Variants in ZNF578 observed in about 807,000 individuals in gnomAD.
ZNF578 encodes Putative chemokine-related protein B42.
In ZNF578, 8 loss-of-function variants were observed where a neutral mutation model predicts 8.3. The observed-to-expected ratio is 0.96, with a 90% CI of 0.56 to 1.74. ZNF578 has a LOEUF of 1.74. ZNF578 is among the 40% of genes most tolerant of loss of function. The pLI, the probability that ZNF578 is intolerant of heterozygous loss-of-function variation, is 0.00. For missense variants in ZNF578, 726 were observed against 707.5 expected, an observed-to-expected ratio of 1.03 and a Z score of -0.30; for synonymous variants, 206 against 232.2, an observed-to-expected ratio of 0.89 and a Z score of 1.03.
At chr19:52,488,326 GGGT>G (rs2059352737) in intron 2 of ZNF578, among the ~76,000 whole-genome samples, 1 of 151,828 alleles carries the variant, frequency 6.6e-6, no homozygotes, top group Admixed American at 6.5e-5. Flanking sequence ...AGACAGAGGT[GGGT>G]GGATCACGAG....
chr19:52,472,405 A>G (rs2059294751), intron 2 of ZNF578, among the ~76,000 whole-genome samples: 1 of 152,242 alleles, frequency 6.6e-6, no homozygotes. Context: ...TGTGAATTCT[A>G]TTCAAGAACA....
intron 2 of ZNF578, among the ~76,000 whole-genome samples, chr19:52,484,352 G>T (rs892941548): frequency 1.3e-5 from 2 of 152,190 alleles, no homozygotes; most frequent in Non-Finnish European, 2.9e-5. Context: ...CAACTGCAAA[G>T]AGGCCTTCCT....
chr19:52,459,769 ATTTTTTTT>A (rs1164629700), intron 2 of ZNF578, among the ~76,000 whole-genome samples: 1 of 17,620 alleles, frequency 5.7e-5, no homozygotes, highest in Non-Finnish European at 9.9e-5. Flanking sequence ...ATATATATAT[ATTTTTTTT>A]TTTTTTTTTT....
At chr19:52,492,389 A>C (rs546056540) in intron 3 of ZNF578, among the ~76,000 whole-genome samples, 26 of 152,226 alleles carry the variant, frequency 1.7e-4, no homozygotes, top group Admixed American at 5.2e-4. Flanking sequence ...CTGAGCACTC[A>C]GTCCCGCATC....
intron 2 of ZNF578, among the ~76,000 whole-genome samples, chr19:52,486,582 C>T (rs977147869): frequency 4.6e-5 from 7 of 152,044 alleles, no homozygotes; most frequent in African/African-American, 1.7e-4. Flanking sequence ...GAGGGAGGCT[C>T]ATCAGAGTGA....
intron 4 of ZNF578, among the ~76,000 whole-genome samples, chr19:52,504,344 G>T (rs2059417977): frequency 6.6e-6 from 1 of 152,038 alleles, no homozygotes; most frequent in Non-Finnish European, 1.5e-5. Flanking sequence ...GCCCACCTTG[G>T]CCTCCCGAAG....
chr19:52,474,989 A>G (rs1352615717), intron 2 of ZNF578: 3 of 203,344 alleles, frequency 1.5e-5, no homozygotes, highest in Non-Finnish European at 2.2e-5. Context: ...GTTTCTCTCC[A>G]GTATGAATTC....
intron 5 of ZNF578, among the ~76,000 whole-genome samples, chr19:52,509,975 C>T (rs1200110045): frequency 1.3e-5 from 2 of 151,524 alleles, no homozygotes; most frequent in Non-Finnish European, 2.9e-5. Context: ...TCTGCCTCCC[C>T]GGTTCAAGTG....
At chr19:52,502,770 T>A (rs1315011233) in intron 4 of ZNF578, among the ~76,000 whole-genome samples, 1 of 152,100 alleles carries the variant, frequency 6.6e-6, no homozygotes, top group Non-Finnish European at 1.5e-5. Flanking sequence ...AAGGTGTCGC[T>A]CTGTGGCTTA....
chr19:52,479,026 A>G (rs1009614227), intron 2 of ZNF578, among the ~76,000 whole-genome samples: 9 of 151,752 alleles, frequency 5.9e-5, no homozygotes, highest in African/African-American at 2.2e-4. Flanking sequence ...TGATGAGCCC[A>G]TTTTAATCCT....
chr19:52,474,675 G>A, intron 2 of ZNF578: 1 of 286,500 alleles, frequency 3.5e-6, no homozygotes, highest in South Asian at 3.8e-5. Context: ...TCTGATGATT[G>A]ATAAGGGATA....
intron 3 of ZNF578, among the ~76,000 whole-genome samples, chr19:52,500,595 A>T (rs1284571563): frequency 6.6e-6 from 1 of 151,852 alleles, no homozygotes; most frequent in East Asian, 1.9e-4. Flanking sequence ...GTTGGCTGGG[A>T]CGGTGTCGAC....
At chr19:52,485,913 G>A (rs999052770) in intron 2 of ZNF578, among the ~76,000 whole-genome samples, 1 of 152,108 alleles carries the variant, frequency 6.6e-6, no homozygotes, top group Non-Finnish European at 1.5e-5. Context: ...ATATGGCCTC[G>A]TGGGAAGGGA....
In ZNF578 at chr19:52,507,465, C is replaced by T. The variant is rs146477286; in HGVS notation, c.190+2684C>T. 5.4e-3 allele frequency among the ~76,000 whole-genome samples: 823 copies of T among 151,660 alleles called. 8 individuals are homozygous for T. The highest frequency in any genetic ancestry group is 0.019 in the African/African-American group (785 of 41,194). Reference sequence around the variant, plus strand: ...CCCAGCTACTCACGAGGCTGAGGCACGAGACTCTCTTTAGGTAGGAGAATC... The same window carrying T: ...CCCAGCTACTCACGAGGCTGAGGCATGAGACTCTCTTTAGGTAGGAGAATC... On this transcript the variant is annotated intron_variant, in intron 5 of 5. Transcript: ENST00000421239.
Position 52,462,736 on chromosome 19 carries a change from G to A in ZNF578, c.-122+5778G>A, listed in dbSNP as rs113139302. On this transcript the variant is annotated intron_variant, in intron 2 of 5. Transcript: ENST00000421239. The stretch of plus-strand genomic sequence containing the variant: ...AAATGTTCATTTGAGCCATCAAGGT[G>A]TGCTTGGGGGTTGAGATCTTGGTTC... 1.0e-2 allele frequency among the ~76,000 whole-genome samples: 1,520 copies of A among 152,002 alleles called. 33 individuals are homozygous for A. Among genetic ancestry groups the A allele is most frequent in the African/African-American group, 0.034 (1,429 of 41,454 alleles).
At chr19:52,502,931 C>T (rs993998869) in intron 4 of ZNF578, among the ~76,000 whole-genome samples, 1 of 152,066 alleles carries the variant, frequency 6.6e-6, no homozygotes, top group African/African-American at 2.4e-5. Flanking sequence ...CTCGCTCAGT[C>T]ACCAAAGCTG....
chr19:52,505,412 GT>G (rs1568466232), intron 5 of ZNF578, among the ~76,000 whole-genome samples: 12 of 89,754 alleles, frequency 1.3e-4, no homozygotes, highest in African/African-American at 2.2e-4. Context: ...TTCATTTTTT[GT>G]TTGTTTGTTT....
chr19:52,466,479 G>A (rs1156439716), intron 2 of ZNF578, among the ~76,000 whole-genome samples: 3 of 152,048 alleles, frequency 2.0e-5, no homozygotes, highest in Non-Finnish European at 4.4e-5. Context: ...CAGGCACCCC[G>A]TAAGCCCTTT....
chr19:52,468,627 G>T (rs2059282621), intron 2 of ZNF578, among the ~76,000 whole-genome samples: 1 of 152,158 alleles, frequency 6.6e-6, no homozygotes, highest in Admixed American at 6.5e-5. Context: ...TTGTTTCTGG[G>T]TGTGTCTGTG....
Sources: allele counts gnomAD v4.1 joint callset (sites outside exome capture counted in the v4.1 genomes callset), GRCh38; gene constraint gnomAD v4.1.1; transcripts MANE v1.5; gene names NCBI Gene and HGNC (gene_info 2026-07-23, HGNC 2026-07-21).